FAM3B: variants seen among roughly 807,000 people sequenced by gnomAD.
FAM3B encodes protein FAM3B.
A neutral mutation model predicts 28.4 loss-of-function variants in FAM3B; 29 were observed. That is an observed-to-expected ratio of 1.02 (90% confidence interval 0.76 to 1.39). The LOEUF (loss-of-function observed/expected upper bound fraction) is 1.39, where lower values mean the gene tolerates loss of function less well. Ranked by LOEUF, FAM3B falls within the 40% of genes most tolerant of loss-of-function variation. The pLI, the probability that FAM3B is intolerant of heterozygous loss-of-function variation, is 0.00. For missense variants in FAM3B, 266 were observed against 293.9 expected (o/e 0.91, Z 0.69); for synonymous variants, 91 against 103.0 (o/e 0.88, Z 0.71).
intron 1 of FAM3B, chr21:41,322,539 A>G: frequency 1.4e-6 from 1 of 710,700 alleles, no homozygotes. Flanking sequence ...GAGCGTGCTC[A>G]AATCCAGTTG....
intron 7 of FAM3B, among the ~76,000 whole-genome samples, chr21:41,356,505 A>T (rs1001371287): frequency 8.5e-4 from 129 of 152,320 alleles, no homozygotes; most frequent in African/African-American, 3.0e-3. Context: ...TCCTTGGAGT[A>T]TAGTTTCTAC....
chr21:41,311,255 T>A (rs78163507), intron 1 of FAM3B, among the ~76,000 whole-genome samples: 1,249 of 25,516 alleles, frequency 0.049, 12 homozygotes, highest in East Asian at 0.14. Flanking sequence ...AAAAAAAATA[T>A]ATATATATAT....
chr21:41,311,141 G>C (rs1202934218), intron 1 of FAM3B, among the ~76,000 whole-genome samples: 21 of 148,728 alleles, frequency 1.4e-4, no homozygotes, highest in Admixed American at 1.0e-3. Flanking sequence ...TGACGGAGGA[G>C]CCCCAGGAGC....
At position 41,323,003 on chromosome 21, in the gene FAM3B, G is replaced by T; in HGVS notation, c.100G>T (p.Asp34Tyr). Residue 34 changes from aspartate (D) to tyrosine (Y), a missense_variant, in exon 2 of 8, where the codon GAT (aspartate) becomes TAT (tyrosine). Asp to Tyr is a radical substitution (Grantham distance 160, BLOSUM62 -3). Coordinates refer to ENST00000357985, the MANE Select transcript of FAM3B (RefSeq NM_058186.4). ...GTACCTGCTCGCAGAGCTCATTCCA[G>T]ATGCACCCCTGTCCAGTGCTGCCTA... ...SGYLLAELIP[D>Y]APLSSAAYSI... The T allele has an allele frequency of 6.2e-7, 1 of 1,611,086 alleles. No homozygotes were observed.
chr21:41,335,384 T>C (rs938541947), intron 2 of FAM3B, among the ~76,000 whole-genome samples: 5 of 152,202 alleles, frequency 3.3e-5, no homozygotes, highest in Non-Finnish European at 7.3e-5. Context: ...TGGGAGGTGT[T>C]TGGATCACGG....
At chr21:41,347,703 A>G (rs552174735) in intron 6 of FAM3B, among the ~76,000 whole-genome samples, 1 of 149,384 alleles carries the variant, frequency 6.7e-6, no homozygotes, top group African/African-American at 2.5e-5. Context: ...CAGTGAGCCA[A>G]GATTGCACCA....
intron 2 of FAM3B, among the ~76,000 whole-genome samples, chr21:41,338,167 C>T (rs2088972698): frequency 6.6e-6 from 1 of 151,942 alleles, no homozygotes; most frequent in South Asian, 2.1e-4. Context: ...TCCTTCTTTG[C>T]TTATTTGTCA....
chr21:41,305,604 C>G (rs146921402), intron 1 of FAM3B, among the ~76,000 whole-genome samples: 26 of 152,300 alleles, frequency 1.7e-4, no homozygotes, highest in African/African-American at 5.5e-4. Context: ...GTGTGTCATA[C>G]AAACATTCTG....
intron 6 of FAM3B, among the ~76,000 whole-genome samples, chr21:41,347,905 C>A (rs1019393992): frequency 2.6e-5 from 4 of 152,204 alleles, no homozygotes; most frequent in African/African-American, 7.2e-5. Flanking sequence ...TAAGAACCTT[C>A]AAAGTGCTTA....
chr21:41,346,401 C>T (rs1456044642), intron 5 of FAM3B: 4 of 152,846 alleles, frequency 2.6e-5, no homozygotes, highest in Non-Finnish European at 5.8e-5. Context: ...AATAATGAGC[C>T]GCAGCGGTGA....
At chr21:41,306,921 T>G (rs2088685794) in intron 1 of FAM3B, among the ~76,000 whole-genome samples, 1 of 152,206 alleles carries the variant, frequency 6.6e-6, no homozygotes. Flanking sequence ...CCATTTGACA[T>G]GCTTCTTAAG....
Position 41,308,452 on chromosome 21 carries a change from G to C in FAM3B, n.99+4142G>C, listed in dbSNP as rs184624023. Among the ~76,000 whole-genome samples, 18 of 152,240 alleles carry C rather than the reference G, an allele frequency of 1.2e-4. No individual in the cohort carries two copies. In the East Asian group the frequency reaches 3.3e-3, roughly 28 times the overall value. ...CTGTGCAGCTGCCGTCAGCAGAAATGGCTTTAACAAGAGTGAAAAGCAGTA... is the reference window on the plus strand; with the variant it reads ...CTGTGCAGCTGCCGTCAGCAGAAATCGCTTTAACAAGAGTGAAAAGCAGTA... On this transcript the variant is annotated intron_variant and non_coding_transcript_variant, in intron 1 of 9. Coordinates refer to the FAM3B transcript ENST00000479810.
chr21:41,354,845 TA>T (rs1003323736), intron 7 of FAM3B, among the ~76,000 whole-genome samples: 14 of 151,430 alleles, frequency 9.2e-5, no homozygotes, highest in African/African-American at 3.2e-4. Flanking sequence ...ACTTAAAAGT[TA>T]AAAAAAAACT....
At chr21:41,318,834 T>C (rs2088774698) in intron 1 of FAM3B, among the ~76,000 whole-genome samples, 1 of 152,208 alleles carries the variant, frequency 6.6e-6, no homozygotes, top group Non-Finnish European at 1.5e-5. Context: ...AAAATCCTCC[T>C]ACCTGTAACC....
At chr21:41,353,538 T>C (rs1019479969) in intron 7 of FAM3B, among the ~76,000 whole-genome samples, 1 of 152,238 alleles carries the variant, frequency 6.6e-6, no homozygotes, top group Non-Finnish European at 1.5e-5. Context: ...TAGGCAACAG[T>C]GCCAAGATTA....
chr21:41,323,526 C>G (rs1189793137), intron 2 of FAM3B, among the ~76,000 whole-genome samples: 3 of 152,218 alleles, frequency 2.0e-5, no homozygotes, highest in African/African-American at 7.2e-5. Context: ...CGGCCTCAAC[C>G]ATCAGCTTAG....
intron 1 of FAM3B, among the ~76,000 whole-genome samples, chr21:41,321,680 C>G (rs1258612427): frequency 6.6e-6 from 1 of 152,240 alleles, no homozygotes; most frequent in African/African-American, 2.4e-5. Flanking sequence ...CCAGAAACAT[C>G]GCGTTCTATC....
At position 41,342,021 on chromosome 21, in the gene FAM3B, A is replaced by G. The variant is rs144173585; in HGVS notation, c.288-2455A>G. The stretch of plus-strand genomic sequence containing the variant: ...TCTGAAATATCTTTACTTCACCTTC[A>G]TACCTGAAAAATAGTGTGGTCTGCT... On this transcript the variant is annotated intron_variant, in intron 3 of 7. Transcript: ENST00000357985. Among the ~76,000 whole-genome samples, 46 of 152,364 alleles carry G rather than the reference A, an allele frequency of 3.0e-4. No homozygotes were observed. The East Asian group carries it at 5.0e-3, about 17-fold the overall frequency.
At chr21:41,318,835 A>G (rs1447950110) in intron 1 of FAM3B, among the ~76,000 whole-genome samples, 1 of 152,112 alleles carries the variant, frequency 6.6e-6, no homozygotes, top group Non-Finnish European at 1.5e-5. Flanking sequence ...AAATCCTCCT[A>G]CCTGTAACCC....
Sources: allele counts gnomAD v4.1 joint callset (sites outside exome capture counted in the v4.1 genomes callset), GRCh38; gene constraint gnomAD v4.1.1; transcripts MANE v1.5; gene names NCBI Gene and HGNC (gene_info 2026-07-23, HGNC 2026-07-21).